Variants in ABLIM1 observed in about 807,000 individuals in gnomAD.
ABLIM1 encodes the protein actin binding LIM protein 1, also known as actin-binding LIM protein 1.
ABLIM1 carries 40 observed loss-of-function variants against 107.0 expected under a neutral mutation model. The observed-to-expected ratio is 0.37, with a 90% CI of 0.29 to 0.49. The LOEUF (loss-of-function observed/expected upper bound fraction) is 0.49, where lower values mean the gene tolerates loss of function less well. Ranked by LOEUF, ABLIM1 falls within the 20% of genes least tolerant of loss-of-function variation. The pLI, the probability that ABLIM1 is intolerant of heterozygous loss-of-function variation, is 0.97. For synonymous variants in ABLIM1, 357 were observed against 357.3 expected, an observed-to-expected ratio of 1.00 and a Z score of 0.01; for missense variants, 857 against 1,008.5, an observed-to-expected ratio of 0.85 and a Z score of 2.04.
At chr10:114,487,907 A>C (rs2058412712) in intron 8 of ABLIM1, 51 bp downstream of exon 8, 1 of 1,598,852 alleles carries the variant, frequency 6.3e-7, no homozygotes, top group African/African-American at 1.3e-5. Flanking sequence ...AGTGACCACG[A>C]GCGTATGGCC....
chr10:114,488,028 G>T lies in ABLIM1; in HGVS notation c.983-12C>A. 1 of 1,614,078 alleles carries T rather than the reference G, an allele frequency of 6.2e-7. No individual in the cohort carries two copies. Among genetic ancestry groups the T allele is most frequent in the Non-Finnish European group, 8.5e-7 (1 of 1,179,970 alleles). On this transcript the variant is annotated splice_polypyrimidine_tract_variant and intron_variant, in intron 7 of 22. Transcript: ENST00000533213. ...CCAAACGGTGGAGCCTGAGAAGACA[G>T]AATGCACTACTAAGAGCCAGGAAAA...
the ABLIM1 span, among the ~76,000 whole-genome samples, chr10:114,798,566 C>CCA: frequency 2.7e-5 from 4 of 146,002 alleles, 1 homozygote; most frequent in Non-Finnish European, 4.6e-5. Context: ...ACCCCCCCCC[C>CCA]ATGTCTACAA....
chr10:114,440,895 A>G, intron 19 of ABLIM1, 122 bp downstream of exon 19: 1 of 969,800 alleles, frequency 1.0e-6, no homozygotes, highest in Non-Finnish European at 1.6e-6. Flanking sequence ...CTCACAGAAG[A>G]CAGATGTGAT....
At chr10:114,676,114 A>G (rs1000992883) in intron 1 of ABLIM1, among the ~76,000 whole-genome samples, 2 of 152,224 alleles carry the variant, frequency 1.3e-5, no homozygotes, top group Non-Finnish European at 2.9e-5. Flanking sequence ...AGAAGAAAGG[A>G]AATTACCTGA....
the ABLIM1 span, among the ~76,000 whole-genome samples, chr10:114,800,823 T>G: frequency 0.052 from 7,887 of 152,086 alleles, 674 homozygotes; most frequent in African/African-American, 0.18. Flanking sequence ...ACAGGAGAAT[T>G]GCTTGAACCA....
At chr10:114,699,867 A>C (rs1451399213) in intron 1 of ABLIM1, among the ~76,000 whole-genome samples, 1 of 152,218 alleles carries the variant, frequency 6.6e-6, no homozygotes, top group African/African-American at 2.4e-5. Context: ...TCTTGACTGA[A>C]TTGGTGTCAA....
intron 1 of ABLIM1, among the ~76,000 whole-genome samples, chr10:114,623,932 C>T (rs1309264330): frequency 2.0e-5 from 3 of 152,200 alleles, no homozygotes; most frequent in Non-Finnish European, 4.4e-5. Context: ...ACCATAATAA[C>T]ATTAATTATG....
intron 1 of ABLIM1, among the ~76,000 whole-genome samples, chr10:114,753,354 A>G (rs531448903): frequency 7.2e-5 from 11 of 152,242 alleles, no homozygotes; most frequent in South Asian, 2.1e-4. Context: ...AAAGCTCATT[A>G]AAAGTTACAG....
intron 4 of ABLIM1, among the ~76,000 whole-genome samples, chr10:114,565,645 T>G (rs1485624969): frequency 6.6e-6 from 1 of 151,772 alleles, no homozygotes; most frequent in African/African-American, 2.4e-5. Flanking sequence ...TGACAATGAT[T>G]TTTTTTTAGA....
chr10:114,491,644 G>A (rs1365316527), intron 7 of ABLIM1, 147 bp downstream of exon 7: 4 of 642,314 alleles, frequency 6.2e-6, no homozygotes, highest in Non-Finnish European at 1.1e-5. Flanking sequence ...ACTAACTGAT[G>A]AGGTAACTTT....
rs149389747 is a variant in ABLIM1 at position 114,581,069 on chromosome 10, T to C, written c.380-5470A>G. Reference sequence around the variant, plus strand: ...GTCCTGTGCCTTGTGGATGCTATGCTCTGGAATTCATTCTCTAGAAACCAC... The same window carrying C: ...GTCCTGTGCCTTGTGGATGCTATGCCCTGGAATTCATTCTCTAGAAACCAC... On this transcript the variant is annotated intron_variant, in intron 2 of 22. Transcript: ENST00000533213. Among the ~76,000 whole-genome samples the C allele has an allele frequency of 9.9e-3, 1,505 of 152,310 alleles. 13 individuals carry two copies. The highest frequency in any genetic ancestry group is 0.014 in the Non-Finnish European group (939 of 68,030).
At chr10:114,463,147 C>A in intron 12 of ABLIM1, 1 of 1,306,426 alleles carries the variant, frequency 7.7e-7, no homozygotes, top group South Asian at 1.2e-5. Flanking sequence ...AACCTCTGCA[C>A]ACCAGGAGAC....
intron 22 of ABLIM1, 68 bp downstream of exon 22, chr10:114,437,776 C>T: frequency 7.5e-7 from 1 of 1,324,548 alleles, no homozygotes; most frequent in Non-Finnish European, 1.1e-6. Context: ...TAAAACATTG[C>T]TTAGGGGAGA....
At chr10:114,652,700 G>A (rs1441153340) in intron 1 of ABLIM1, among the ~76,000 whole-genome samples, 1 of 152,128 alleles carries the variant, frequency 6.6e-6, no homozygotes, top group African/African-American at 2.4e-5. Context: ...ATATCCTTGG[G>A]GCTTTTGATA....
exon 1 of ABLIM1, chr10:114,684,722 G>A (rs1189546377): frequency 5.8e-6 from 6 of 1,035,680 alleles, no homozygotes; most frequent in Non-Finnish European, 7.0e-6. Context: ...ATGTTCCTAG[G>A]ATTTTCCTGC....
intron 4 of ABLIM1, among the ~76,000 whole-genome samples, chr10:114,568,135 A>T (rs1313848486): frequency 1.4e-5 from 2 of 140,766 alleles, no homozygotes; most frequent in Non-Finnish European, 3.0e-5. Context: ...GCTTGCAGTG[A>T]GCCGAGATTG....
At chr10:114,534,237 C>T (rs1166541549) in intron 6 of ABLIM1, among the ~76,000 whole-genome samples, 1 of 152,054 alleles carries the variant, frequency 6.6e-6, no homozygotes, top group East Asian at 1.9e-4. Context: ...TGCTCTGGGT[C>T]CCTGAGAAAG....
At chr10:114,601,716 A>C in intron 2 of ABLIM1, 111 bp downstream of exon 2, 1 of 1,532,156 alleles carries the variant, frequency 6.5e-7, no homozygotes, top group East Asian at 2.2e-5. Context: ...GGCTTCTGAG[A>C]GCATTCGCTT....
At chr10:114,460,532 C>G (rs553817497) in intron 12 of ABLIM1, among the ~76,000 whole-genome samples, 1 of 152,102 alleles carries the variant, frequency 6.6e-6, no homozygotes, top group South Asian at 2.1e-4. Context: ...AGCTGGGAGG[C>G]GGAGGCTGCA....
Sources: allele counts gnomAD v4.1 joint callset (sites outside exome capture counted in the v4.1 genomes callset), GRCh38; gene constraint gnomAD v4.1.1; transcripts MANE v1.5; gene names NCBI Gene and HGNC (gene_info 2026-07-23, HGNC 2026-07-21).